AHCY: variants seen among roughly 807,000 people sequenced by gnomAD.
The protein encoded by AHCY is S-adenosyl-L-homocysteine hydrolase.
A neutral mutation model predicts 45.4 loss-of-function variants in AHCY; 24 were observed. That is an observed-to-expected ratio of 0.53 (90% confidence interval 0.38 to 0.74). The LOEUF (loss-of-function observed/expected upper bound fraction) is 0.74, where lower values mean the gene tolerates loss of function less well. AHCY is among the 30% of genes least tolerant of loss of function. The pLI, the probability that AHCY is intolerant of heterozygous loss-of-function variation, is 0.00. For synonymous variants in AHCY, 245 were observed against 235.1 expected (o/e 1.04, Z -0.39); for missense variants, 449 against 594.1 (o/e 0.76, Z 2.54).
At chr20:34,242,812 C>T in the AHCY span, among the ~76,000 whole-genome samples, 1 of 152,242 alleles carries the variant, frequency 6.6e-6, no homozygotes, top group Admixed American at 6.5e-5. Flanking sequence ...CTGTCACAGA[C>T]TGTCAGCTCA....
chr20:34,258,744 A>AGT, the AHCY span, among the ~76,000 whole-genome samples: 1 of 78,916 alleles, frequency 1.3e-5, no homozygotes, highest in East Asian at 3.5e-4. Flanking sequence ...GTATATATAT[A>AGT]CTATATATAA....
the AHCY span, among the ~76,000 whole-genome samples, chr20:34,268,434 T>C: frequency 2.0e-5 from 3 of 152,086 alleles, no homozygotes; most frequent in African/African-American, 7.2e-5. Flanking sequence ...AGAAACCACT[T>C]AGGCCGGGCG....
At chr20:34,235,866 AAAGGAAGGAAGGAAGG>A in the AHCY span, among the ~76,000 whole-genome samples, 4 of 36,864 alleles carry the variant, frequency 1.1e-4, no homozygotes, top group Non-Finnish European at 1.2e-4. Flanking sequence ...GGAAGGAAGG[AAAGGAAGGAAGGAAGG>A]AAGGAAGGAA....
chr20:34,303,160 G>C, intron 1 of AHCY, 83 bp downstream of exon 1: 1 of 1,542,444 alleles, frequency 6.5e-7, no homozygotes, highest in Non-Finnish European at 8.8e-7. Flanking sequence ...AGAGAGCCCC[G>C]AGTCGGCCCT....
chr20:34,279,980 T>C (rs2035952461), downstream of AHCY, among the ~76,000 whole-genome samples: 2 of 152,112 alleles, frequency 1.3e-5, no homozygotes, highest in Admixed American at 1.3e-4. Flanking sequence ...TGATCTCAAC[T>C]ACTCAGGAGG....
chr20:34,305,955 G>A (rs6120606), upstream of AHCY, among the ~76,000 whole-genome samples: 1,549 of 151,748 alleles, frequency 0.01, 33 homozygotes, highest in African/African-American at 0.036. Flanking sequence ...GATGGTGCAC[G>A]TCTGTAAACT....
At chr20:34,294,635 T>C (rs530576895) in intron 2 of AHCY, among the ~76,000 whole-genome samples, 28 of 152,146 alleles carry the variant, frequency 1.8e-4, no homozygotes, top group African/African-American at 6.5e-4. Flanking sequence ...AGAGGTTCCA[T>C]TTACTCAGGT....
chr20:34,283,476 C>T (rs2036070088), intron 9 of AHCY, among the ~76,000 whole-genome samples: 1 of 152,182 alleles, frequency 6.6e-6, no homozygotes, highest in African/African-American at 2.4e-5. Flanking sequence ...TGCCTGCATA[C>T]AGCATGTGAG....
the AHCY span, chr20:34,246,486 T>G: frequency 7.2e-7 from 1 of 1,386,548 alleles, no homozygotes; most frequent in Admixed American, 1.7e-5. Context: ...AACTTGGCAC[T>G]GTTCCTTGGG....
At chr20:34,269,330 T>A in the AHCY span, 3 of 901,506 alleles carry the variant, frequency 3.3e-6, no homozygotes, top group Non-Finnish European at 4.8e-6. Context: ...CGAAATACAA[T>A]ATATATAGGC....
the AHCY span, among the ~76,000 whole-genome samples, chr20:34,244,460 A>G: frequency 2.0e-5 from 3 of 152,198 alleles, no homozygotes; most frequent in Non-Finnish European, 4.4e-5. Flanking sequence ...AATGTCTAAA[A>G]TGTGTCTGAG....
chr20:34,262,266 C>T, the AHCY span, among the ~76,000 whole-genome samples: 2 of 152,216 alleles, frequency 1.3e-5, no homozygotes, highest in African/African-American at 4.8e-5. Flanking sequence ...TACTGCAAGG[C>T]AGATATTATG....
intron 8 of AHCY, among the ~76,000 whole-genome samples, chr20:34,289,311 T>C (rs1736417511): frequency 6.6e-6 from 1 of 152,012 alleles, no homozygotes; most frequent in Non-Finnish European, 1.5e-5. Context: ...GTAGCTGGGA[T>C]TGCAGGTGCA....
At chr20:34,258,823 T>C in the AHCY span, among the ~76,000 whole-genome samples, 1 of 121,356 alleles carries the variant, frequency 8.2e-6, no homozygotes, top group Admixed American at 1.1e-4. Flanking sequence ...TATAATACTA[T>C]ATATAGTATT....
chr20:34,296,202 T>C (rs945208070), intron 1 of AHCY, among the ~76,000 whole-genome samples: 1 of 151,778 alleles, frequency 6.6e-6, no homozygotes, highest in Non-Finnish European at 1.5e-5. Context: ...GAGGAAAAAA[T>C]GGTGTGCTCA....
downstream of AHCY, among the ~76,000 whole-genome samples, chr20:34,278,307 A>G (rs1448498865): frequency 6.6e-6 from 1 of 152,214 alleles, no homozygotes; most frequent in Non-Finnish European, 1.5e-5. Flanking sequence ...AACTCCTGGA[A>G]GAAGGGAGGT....
At chr20:34,292,646 G>T in intron 3 of AHCY, 139 bp from the exon 4 acceptor site, 1 of 1,237,860 alleles carries the variant, frequency 8.1e-7, no homozygotes, top group Non-Finnish European at 1.2e-6. Flanking sequence ...ACTCAGCAGT[G>T]GTCAGGACAC....
At chr20:34,237,593 T>C in the AHCY span, among the ~76,000 whole-genome samples, 1 of 152,232 alleles carries the variant, frequency 6.6e-6, no homozygotes, top group East Asian at 1.9e-4. Context: ...ATATTATCTG[T>C]GAACAGAGAT....
chr20:34,279,209 T>C (rs2035941021), downstream of AHCY, among the ~76,000 whole-genome samples: 1 of 148,552 alleles, frequency 6.7e-6, no homozygotes, highest in South Asian at 2.1e-4. Context: ...GGTCAGGAGA[T>C]CGAGACCATC....
Sources: gnomAD v4.1 joint callset for allele counts (sites outside exome capture counted in the v4.1 genomes callset) on GRCh38, gnomAD v4.1.1 for gene constraint, MANE v1.5 for transcripts, NCBI Gene and HGNC (gene_info 2026-07-23, HGNC 2026-07-21) for gene names.